Variants in LGI1 observed in about 807,000 individuals in gnomAD.
LGI1 encodes the protein leucine-rich glioma-inactivated protein 1.
A neutral mutation model predicts 57.7 loss-of-function variants in LGI1; 11 were observed. The observed-to-expected ratio is 0.19, with a 90% CI of 0.12 to 0.32. The LOEUF is 0.32. Among genes scored for constraint, LGI1 ranks in the 10% least tolerant of loss-of-function variants. The pLI is 1.00. For synonymous variants in LGI1, 222 were observed against 241.9 expected (o/e 0.92, Z 0.76); for missense variants, 422 against 661.9 (o/e 0.64, Z 3.98).
At chr10:93,792,574 A>C in intron 5 of LGI1, 169 bp from the exon 6 acceptor site, 1 of 708,220 alleles carries the variant, frequency 1.4e-6, no homozygotes, top group Non-Finnish European at 2.6e-6. Context: ...CATGGTGCTA[A>C]CTCTCTGAGC....
intron 2 of LGI1, among the ~76,000 whole-genome samples, chr10:93,774,814 A>C (rs144080774): frequency 6.6e-6 from 1 of 152,362 alleles, no homozygotes; most frequent in Non-Finnish European, 1.5e-5. Context: ...AACAAATTAT[A>C]ATAATGAAAT....
intron 2 of LGI1, chr10:93,759,059 G>A: frequency 1.8e-6 from 1 of 550,568 alleles, no homozygotes; most frequent in Non-Finnish European, 3.2e-6. Context: ...TACTTTAATG[G>A]CTATTTATGA....
intron 4 of LGI1, among the ~76,000 whole-genome samples, chr10:93,778,349 AC>A (rs1318092806): frequency 1.0e-3 from 1 of 988 alleles, no homozygotes; most frequent in Non-Finnish European, 2.1e-3. Context: ...ACACATTCAC[AC>A]ACACACACAC....
At chr10:93,764,971 T>C (rs970502019) in intron 2 of LGI1, 1 of 152,238 alleles carries the variant, frequency 6.6e-6, no homozygotes, top group Admixed American at 6.5e-5. Context: ...ACAGGAAACA[T>C]GAACTATTTA....
At chr10:93,795,222 A>T (rs544346947) in intron 7 of LGI1, among the ~76,000 whole-genome samples, 1 of 152,322 alleles carries the variant, frequency 6.6e-6, no homozygotes, top group South Asian at 2.1e-4. Flanking sequence ...ATGATGTCTT[A>T]GTCCCTTCCT....
At chr10:93,786,874 G>A (rs913262623) in intron 4 of LGI1, among the ~76,000 whole-genome samples, 12 of 152,194 alleles carry the variant, frequency 7.9e-5, no homozygotes, top group Admixed American at 2.0e-4. Flanking sequence ...GATTACGGGC[G>A]TGAGCCACCA....
At chr10:93,761,156 T>G (rs1337300591) in intron 2 of LGI1, among the ~76,000 whole-genome samples, 1 of 152,180 alleles carries the variant, frequency 6.6e-6, no homozygotes, top group Non-Finnish European at 1.5e-5. Flanking sequence ...TGGGAATGCA[T>G]GGATCCCACA....
At chr10:93,760,861 A>T (rs1003786008) in intron 2 of LGI1, among the ~76,000 whole-genome samples, 1 of 152,192 alleles carries the variant, frequency 6.6e-6, no homozygotes, top group East Asian at 1.9e-4. Context: ...CAGAAATAAC[A>T]AAAGGCGAGT....
chr10:93,758,043 G>A lies in LGI1; in HGVS notation c.-102G>A. ...TTGAAAAAGCAGAGATACAGAGGCA[G>A]AGGAAAAGGGTGGACTCCTATGTGA... On this transcript the variant is annotated 5_prime_UTR_variant, in exon 1 of 8. Coordinates refer to ENST00000371418, the MANE Select transcript of LGI1 (RefSeq NM_005097.4). This position sits in a 1 kb window ranked among gnomAD's most constrained non-coding sequence, Gnocchi z 4.7. The A allele has an allele frequency of 1.0e-6, 1 of 998,120 alleles. No homozygotes were observed. 61.8% of individuals were successfully genotyped at this position (998,120 alleles called of 1,614,324 possible). A position where few individuals can be genotyped will look rare whatever the true frequency, so the allele number is the denominator to read the frequency against.
chr10:93,758,919 C>G lies in LGI1; in HGVS notation c.287+88C>G. On this transcript the variant is annotated intron_variant, in intron 2 of 7. Transcript: ENST00000371418. This position sits in a 1 kb window ranked among gnomAD's most constrained non-coding sequence, Gnocchi z 4.7. ...AAAATGATCTCAATATTAATTTTGT[C>G]AAATGTGATTCTATTTCTGAGAAAA... The G allele has an allele frequency of 9.9e-7, 1 of 1,010,652 alleles. No homozygotes were observed. The highest frequency in any genetic ancestry group is 1.5e-6 in the Non-Finnish European group (1 of 646,892). 62.6% of individuals were successfully genotyped at this position (1,010,652 alleles called of 1,614,324 possible).
intron 4 of LGI1, chr10:93,782,628 T>G (rs186128724): frequency 3.3e-5 from 5 of 152,364 alleles, no homozygotes; most frequent in Admixed American, 2.6e-4. Flanking sequence ...AGGAAAAAAC[T>G]AAAACTCACT....
At chr10:93,768,932 T>C (rs898999783) in intron 2 of LGI1, 2 of 152,222 alleles carry the variant, frequency 1.3e-5, no homozygotes, top group East Asian at 3.8e-4. Flanking sequence ...GTTGGTAATC[T>C]AATTAAGGAT....
intron 2 of LGI1, among the ~76,000 whole-genome samples, chr10:93,761,421 T>C (rs17109320): frequency 0.29 from 43,719 of 152,190 alleles, 6,646 homozygotes; most frequent in South Asian, 0.42. Context: ...GACAGTTCGT[T>C]GGTTTCTTGC....
At chr10:93,766,359 C>A (rs1004017775) in intron 2 of LGI1, among the ~76,000 whole-genome samples, 2 of 152,140 alleles carry the variant, frequency 1.3e-5, no homozygotes, top group African/African-American at 2.4e-5. Context: ...ATAGATTTTG[C>A]CCAACTGTGC....
At chr10:93,787,637 G>A (rs1209326404) in intron 4 of LGI1, among the ~76,000 whole-genome samples, 1 of 152,160 alleles carries the variant, frequency 6.6e-6, no homozygotes, top group Non-Finnish European at 1.5e-5. Flanking sequence ...ACAGGGTACA[G>A]TGGCTCACAC....
Position 93,758,608 on chromosome 10 carries a change from T to C in LGI1, c.216-152T>C. ...CCTGTAGCCGATTCATTTCTCTTAC[T>C]TCATCTGGGAAGGAATAGTATCGTA... is the stretch of plus-strand genomic sequence containing the variant. On this transcript the variant is annotated intron_variant, in intron 1 of 7. Coordinates refer to ENST00000371418, the MANE Select transcript of LGI1 (RefSeq NM_005097.4). This position sits in a 1 kb window ranked among gnomAD's most constrained non-coding sequence, Gnocchi z 4.7. 1.4e-6 allele frequency: 1 copy of C among 703,456 alleles called. No homozygotes were observed. Among genetic ancestry groups the C allele is most frequent in the Non-Finnish European group, 2.5e-6 (1 of 405,540 alleles). 43.6% of individuals were successfully genotyped at this position (703,456 alleles called of 1,614,324 possible).
chr10:93,788,473 A>G (rs780940932), intron 4 of LGI1: 12 of 152,246 alleles, frequency 7.9e-5, no homozygotes, highest in Non-Finnish European at 1.3e-4. Flanking sequence ...CTTATGAGAT[A>G]AGGTATTATT....
intron 5 of LGI1, chr10:93,792,534 G>T (rs2059945759): frequency 1.6e-6 from 1 of 625,628 alleles, no homozygotes; most frequent in African/African-American, 1.8e-5. Context: ...AAGTGATGAG[G>T]TTCCATTGAC....
intron 4 of LGI1, among the ~76,000 whole-genome samples, chr10:93,786,961 G>T (rs1054898412): frequency 6.6e-6 from 1 of 152,148 alleles, no homozygotes; most frequent in Non-Finnish European, 1.5e-5. Context: ...GTCGTTCTCT[G>T]CCCAAATCCC....
Sources: allele counts gnomAD v4.1 joint callset (sites outside exome capture counted in the v4.1 genomes callset), GRCh38; gene constraint gnomAD v4.1.1; non-coding constraint Gnocchi (gnomAD v3.1); transcripts MANE v1.5; gene names NCBI Gene and HGNC (gene_info 2026-07-23, HGNC 2026-07-21).